PNLIPRP3: variants seen among roughly 807,000 people sequenced by gnomAD.
PNLIPRP3 encodes pancreatic lipase-related protein 3.
PNLIPRP3 carries 58 observed loss-of-function variants against 52.8 expected under a neutral mutation model. That is an observed-to-expected ratio of 1.10 (90% CI 0.89 to 1.37). The LOEUF (loss-of-function observed/expected upper bound fraction) is 1.37. Ranked by LOEUF, PNLIPRP3 falls within the 40% of genes most tolerant of loss-of-function variation. PNLIPRP3 has a pLI of 0.00. For synonymous variants in PNLIPRP3, 192 were observed against 185.0 expected (o/e 1.04, Z -0.31); for missense variants, 593 against 561.6 (o/e 1.06, Z -0.57).
chr10:116,476,878 A>G (rs1846478473), intron 11 of PNLIPRP3, 59 bp downstream of exon 11: 1 of 1,452,484 alleles, frequency 6.9e-7, no homozygotes. Flanking sequence ...TGGTGTTTAA[A>G]CCCACAGATA....
At chr10:116,439,546 C>A (rs187543535) in intron 2 of PNLIPRP3, 11 of 836,434 alleles carry the variant, frequency 1.3e-5, no homozygotes, top group Non-Finnish European at 2.0e-5. Flanking sequence ...GGACGCTTTG[C>A]GCCATCAAAC....
At chr10:116,454,124 T>G (rs904741672) in intron 4 of PNLIPRP3, among the ~76,000 whole-genome samples, 1 of 152,140 alleles carries the variant, frequency 6.6e-6, no homozygotes, top group Non-Finnish European at 1.5e-5. Flanking sequence ...TCATTCTTTT[T>G]TTTTTGAGAT....
intron 2 of PNLIPRP3, chr10:116,440,135 C>A (rs965112562): frequency 3.6e-5 from 22 of 618,994 alleles, no homozygotes; most frequent in Middle Eastern, 8.8e-4. Context: ...CCTTCTCTGC[C>A]TTTTAGGATG....
Position 116,444,639 on chromosome 10 carries a change from C to T in PNLIPRP3, c.456+126C>T, listed in dbSNP as rs927777534. The T allele has an allele frequency of 5.1e-6, 5 of 983,216 alleles. No homozygotes were observed. In the Admixed American group the frequency reaches 1.2e-4, roughly 24 times the overall value. 60.9% of individuals were successfully genotyped at this position (983,216 alleles called of 1,614,324 possible). On this transcript the variant is annotated intron_variant, in intron 4 of 11. Coordinates refer to ENST00000369230, the MANE Select transcript of PNLIPRP3 (RefSeq NM_001011709.3). The stretch of plus-strand genomic sequence containing the variant: ...GGTACTGAACATGTGAAATAATAAG[C>T]ATTTGTATATGGCAGACAAAAAAGG...
chr10:116,448,753 C>T (rs1845992889), intron 4 of PNLIPRP3, among the ~76,000 whole-genome samples: 1 of 151,920 alleles, frequency 6.6e-6, no homozygotes, highest in African/African-American at 2.4e-5. Context: ...CGGTGGCCCA[C>T]ACCTGTAATC....
intron 1 of PNLIPRP3, among the ~76,000 whole-genome samples, chr10:116,431,690 C>T (rs1045006063): frequency 3.3e-5 from 5 of 152,114 alleles, no homozygotes; most frequent in African/African-American, 1.2e-4. Context: ...AATAAATGAA[C>T]AAGCCCAAAA....
intron 10 of PNLIPRP3, among the ~76,000 whole-genome samples, chr10:116,473,853 C>T (rs1383096438): frequency 6.6e-6 from 1 of 150,514 alleles, no homozygotes; most frequent in Non-Finnish European, 1.5e-5. Flanking sequence ...CTATCTACGC[C>T]CAAAGCAATT....
intron 5 of PNLIPRP3, 121 bp from the exon 6 acceptor site, chr10:116,460,845 T>C (rs534817296): frequency 5.2e-6 from 7 of 1,348,912 alleles, no homozygotes; most frequent in African/African-American, 2.9e-5. Flanking sequence ...TATGTATCTG[T>C]ACTTTTTCCT....
chr10:116,471,231 C>G (rs139288982), intron 9 of PNLIPRP3, among the ~76,000 whole-genome samples: 4 of 152,268 alleles, frequency 2.6e-5, no homozygotes, highest in African/African-American at 4.8e-5. Flanking sequence ...GATCTACTGA[C>G]AGATACTATA....
In PNLIPRP3 at chr10:116,471,804, G is replaced by GCGAAGTCA; in HGVS notation, c.1099_1106dup (p.Gln370LysfsTer11). 2 of 1,611,754 alleles carry GCGAAGTCA rather than the reference G, an allele frequency of 1.2e-6. No individual in the cohort carries two copies. The highest frequency in any genetic ancestry group is 1.7e-6 in the Non-Finnish European group (2 of 1,178,508). ...AAATTGTCTGTTAAACTCAGTGGAAGCGAAGTCACTCAAGGAACTGTCTTT... is the reference window on the plus strand; with the variant it reads ...AAATTGTCTGTTAAACTCAGTGGAAGCGAAGTCACGAAGTCACTCAAGGAACTGTCTTT... On this transcript the variant is annotated frameshift_variant, in exon 10 of 12. Coordinates refer to ENST00000369230, the MANE Select transcript of PNLIPRP3 (RefSeq NM_001011709.3). LOFTEE classifies it high-confidence loss of function.
At chr10:116,444,632 T>C in intron 4 of PNLIPRP3, 119 bp downstream of exon 4, 1 of 1,035,470 alleles carries the variant, frequency 9.7e-7, no homozygotes, top group Non-Finnish European at 1.4e-6. Flanking sequence ...ACATGTGAAA[T>C]AATAAGCATT....
intron 7 of PNLIPRP3, among the ~76,000 whole-genome samples, chr10:116,465,211 G>A (rs763045176): frequency 2.0e-5 from 3 of 152,080 alleles, no homozygotes; most frequent in Non-Finnish European, 2.9e-5. Context: ...TTGGCTGTAG[G>A]TAGCCTTGGA....
chr10:116,432,467 T>A (rs1321123737), intron 1 of PNLIPRP3, among the ~76,000 whole-genome samples: 1 of 152,056 alleles, frequency 6.6e-6, no homozygotes, highest in Admixed American at 6.5e-5. Flanking sequence ...ACTCAAGAAC[T>A]GAAGAAAGTG....
intron 4 of PNLIPRP3, among the ~76,000 whole-genome samples, chr10:116,451,134 C>T (rs558167165): frequency 1.3e-5 from 2 of 152,280 alleles, no homozygotes; most frequent in East Asian, 1.9e-4. Context: ...GTATGGTCAA[C>T]TGATCTTCCA....
chr10:116,430,545 C>A (rs1589973071), intron 1 of PNLIPRP3, among the ~76,000 whole-genome samples: 1 of 152,036 alleles, frequency 6.6e-6, no homozygotes, highest in African/African-American at 2.4e-5. Context: ...CCAAGTGAAG[C>A]AAGAACAGGA....
At chr10:116,457,843 T>G (rs1476888313) in intron 5 of PNLIPRP3, among the ~76,000 whole-genome samples, 1 of 152,328 alleles carries the variant, frequency 6.6e-6, no homozygotes, top group Non-Finnish European at 1.5e-5. Context: ...CTCTAGTTTT[T>G]CCCATCAGGT....
At chr10:116,464,854 C>T (rs1846255284) in intron 7 of PNLIPRP3, among the ~76,000 whole-genome samples, 2 of 152,180 alleles carry the variant, frequency 1.3e-5, no homozygotes, top group Admixed American at 6.5e-5. Context: ...ATTGTTTGAT[C>T]CCATTGCTGT....
intron 7 of PNLIPRP3, 33 bp downstream of exon 7, chr10:116,461,323 T>C: frequency 6.3e-7 from 1 of 1,599,456 alleles, no homozygotes; most frequent in South Asian, 1.1e-5. Flanking sequence ...ATGCTACTGA[T>C]GCATATTCAC....
At chr10:116,473,053 G>T (rs1178253636) in intron 10 of PNLIPRP3, among the ~76,000 whole-genome samples, 1 of 152,260 alleles carries the variant, frequency 6.6e-6, no homozygotes, top group Non-Finnish European at 1.5e-5. Context: ...ACCTGGGGCA[G>T]CTGGTGATGA....
Sources: allele counts gnomAD v4.1 joint callset (sites outside exome capture counted in the v4.1 genomes callset), GRCh38; gene constraint gnomAD v4.1.1; transcripts MANE v1.5; gene names NCBI Gene and HGNC (gene_info 2026-07-23, HGNC 2026-07-21).